The following PSME4 variants were observed in gnomAD, a reference collection of about 807,000 sequenced individuals.
PSME4 encodes the protein proteasome activator complex subunit 4.
Under a neutral mutation model 253.9 loss-of-function variants are expected in PSME4, and 89 were observed. The observed-to-expected ratio is 0.35, with a 90% CI of 0.30 to 0.42. The LOEUF is 0.42. Ranked by LOEUF, PSME4 falls within the 10% of genes least tolerant of loss-of-function variation. PSME4 has a pLI of 1.00. For synonymous variants in PSME4, 851 were observed against 759.2 expected, an observed-to-expected ratio of 1.12 and a Z score of -1.99; for missense variants, 2,014 against 2,195.2, an observed-to-expected ratio of 0.92 and a Z score of 1.65.
chr2:53,938,744 G>C (rs1669242755), intron 4 of PSME4, among the ~76,000 whole-genome samples: 1 of 152,046 alleles, frequency 6.6e-6, no homozygotes, highest in South Asian at 2.1e-4. Flanking sequence ...TCATATACTT[G>C]TGTTAATTAA....
At chr2:53,887,632 A>C (rs1679700900) in intron 39 of PSME4, among the ~76,000 whole-genome samples, 165 bp from the exon 40 acceptor site, 1 of 152,152 alleles carries the variant, frequency 6.6e-6, no homozygotes, top group South Asian at 2.1e-4. Flanking sequence ...AGGGGTATTA[A>C]CACTTAGGTG....
At chr2:53,893,625 TGA>T (rs1680012678) in intron 35 of PSME4, 47 bp downstream of exon 35, 1 of 1,589,958 alleles carries the variant, frequency 6.3e-7, no homozygotes, top group Non-Finnish European at 8.6e-7. Context: ...ACCTACGAAC[TGA>T]ATAGTTACTA....
rs770959257 is a variant in PSME4, at chr2:53,908,379, G to A, written c.2725C>T (p.His909Tyr). 8.1e-6 allele frequency: 13 copies of A among 1,613,034 alleles called. No homozygotes were observed. The African/African-American group carries it at 1.6e-4, about 20-fold the overall frequency. The change falls in exon 24 of 47, where the codon CAT (histidine) becomes TAT (tyrosine). Residue 909 changes from histidine to tyrosine, a missense_variant. His to Tyr is a moderately conservative substitution (Grantham distance 83). Coordinates refer to ENST00000404125, the MANE Select transcript of PSME4 (RefSeq NM_014614.3). ...DLLQFQGSHK[H>Y]EFDSRWKSFN... ...CTTTTCCATCGGGAGTCAAATTCAT[G>A]CTTGTGAGATCCTTGGAATTGTAAA...
At chr2:53,888,835 C>G in intron 37 of PSME4, 23 bp from the exon 38 acceptor site, 2 of 1,518,506 alleles carry the variant, frequency 1.3e-6, no homozygotes, top group Non-Finnish European at 1.8e-6. Context: ...TATGATGTAA[C>G]AGTTCAACAG....
At chr2:53,904,852 G>A (rs2104438420) in intron 26 of PSME4, among the ~76,000 whole-genome samples, 1 of 151,686 alleles carries the variant, frequency 6.6e-6, no homozygotes, top group East Asian at 2.0e-4. Context: ...GCCAGGCATG[G>A]TGGTGCGTGC....
In PSME4 at chr2:53,895,011, G is replaced by T. The variant is rs778443029; in HGVS notation, c.3908C>A (p.Thr1303Lys). The change falls in exon 34 of 47, where the codon ACA becomes AAA. Residue 1303 changes from threonine to lysine, a missense_variant. By Grantham distance (78) the Thr-to-Lys change is moderately conservative. Around this residue, in one of 4 missense-constraint regions of PSME4, gnomAD observed 989 missense variants for 1,021.1 expected, o/e 0.97. Coordinates refer to ENST00000404125, the MANE Select transcript of PSME4 (RefSeq NM_014614.3). ...PKLGRSREDMTEAEQIIFDHF... is the reference protein window; with the variant it reads ...PKLGRSREDMKEAEQIIFDHF... ...ATGGTGAAATGGAATGCTTACCTCT[G>T]TCATATCCTCCCTGCTTCTGCCAAG... 2 of 1,612,396 alleles carry T rather than the reference G, an allele frequency of 1.2e-6. No individual in the cohort carries two copies. The highest frequency in any genetic ancestry group is 1.7e-6 in the Non-Finnish European group (2 of 1,179,506).
intron 1 of PSME4, among the ~76,000 whole-genome samples, chr2:53,967,679 A>AAAAAAAAAAAAAG (rs1670808609): frequency 7.1e-6 from 1 of 139,944 alleles, no homozygotes; most frequent in African/African-American, 2.8e-5. Context: ...AAAAAAAAAA[A>AAAAAAAAAAAAAG]GTCAAAAAGA....
intron 43 of PSME4, among the ~76,000 whole-genome samples, chr2:53,871,549 C>T (rs917818662): frequency 1.3e-5 from 2 of 152,010 alleles, no homozygotes; most frequent in African/African-American, 4.8e-5. Flanking sequence ...CCACCACGCC[C>T]GGCTATCTGC....
rs778160896 is a variant in PSME4, at chr2:53,893,788, A to T, written c.3924T>A (p.Ile1308=). The T allele has an allele frequency of 3.7e-6, 6 of 1,607,890 alleles. No homozygotes were observed. In the South Asian group the frequency reaches 6.7e-5, roughly 18 times the overall value. Reference sequence around the variant, plus strand: ...TAGGATCAGAAAAATGATCAAATATAATCTGTTCTGCCTATAAAGTTAAAA... The same window carrying T: ...TAGGATCAGAAAAATGATCAAATATTATCTGTTCTGCCTATAAAGTTAAAA... The part of the protein sequence containing the change: ...SREDMTEAEQ[I]IFDHFSDPKF... Residue 1308 remains isoleucine, a synonymous_variant, in exon 35 of 47, where the codon ATT becomes ATA. Transcript: ENST00000404125.
At chr2:53,949,338 G>A in intron 1 of PSME4, 55 bp from the exon 2 acceptor site, 5 of 1,175,926 alleles carry the variant, frequency 4.3e-6, no homozygotes, top group Non-Finnish European at 5.9e-6. Flanking sequence ...ACACATCCAT[G>A]TTCAATGCAG....
At chr2:53,904,209 C>G (rs1680541546) in intron 26 of PSME4, 53 bp from the exon 27 acceptor site, 3 of 1,451,430 alleles carry the variant, frequency 2.1e-6, no homozygotes, top group African/African-American at 1.4e-5. Context: ...AAGTACAAAG[C>G]AGTTTAAAAC....
rs769107600 is a variant in PSME4, at chr2:53,892,966, A to G, written c.4039-6T>C. On this transcript the variant is annotated splice_region_variant and splice_polypyrimidine_tract_variant and intron_variant, in intron 35 of 46. Coordinates refer to ENST00000404125, the MANE Select transcript of PSME4 (RefSeq NM_014614.3). The stretch of plus-strand genomic sequence containing the variant: ...TCAAAATTCCTGAATATACCCTATA[A>G]AAACAAAGACTGTTCTTCAGTACTC... 1.2e-6 allele frequency: 2 copies of G among 1,608,230 alleles called. No individual in the cohort carries two copies. Among genetic ancestry groups the G allele is most frequent in the African/African-American group, 2.7e-5 (2 of 74,696 alleles).
At chr2:53,893,581 T>C (rs963871669) in intron 35 of PSME4, 93 bp downstream of exon 35, 3 of 1,554,666 alleles carry the variant, frequency 1.9e-6, no homozygotes, top group Non-Finnish European at 1.7e-6. Context: ...TCAAGGCAGA[T>C]GGCTAGCTTT....
At chr2:53,927,793 G>A (rs114986407) in intron 11 of PSME4, among the ~76,000 whole-genome samples, 249 of 151,866 alleles carry the variant, frequency 1.6e-3, no homozygotes, top group African/African-American at 5.9e-3. Context: ...CTAAAAATAC[G>A]AAACCCAGCC....
At chr2:53,918,669 C>T (rs898323155) in intron 20 of PSME4, among the ~76,000 whole-genome samples, 5 of 152,078 alleles carry the variant, frequency 3.3e-5, no homozygotes, top group Admixed American at 1.3e-4. Flanking sequence ...GAGCTAACAA[C>T]GGATTCAATT....
At chr2:53,952,554 C>G (rs1440976984) in intron 1 of PSME4, among the ~76,000 whole-genome samples, 2 of 152,048 alleles carry the variant, frequency 1.3e-5, no homozygotes, top group Non-Finnish European at 2.9e-5. Flanking sequence ...AACAAACAAA[C>G]AGAAAGATTC....
chr2:53,944,581 C>G (rs958572328), intron 3 of PSME4, among the ~76,000 whole-genome samples: 1 of 151,994 alleles, frequency 6.6e-6, no homozygotes, highest in African/African-American at 2.4e-5. Flanking sequence ...GGTTTACAAC[C>G]ATAAAATCTT....
intron 8 of PSME4, 52 bp from the exon 9 acceptor site, chr2:53,932,812 C>CA (rs768359673): frequency 7.2e-7 from 1 of 1,379,372 alleles, no homozygotes; most frequent in Non-Finnish European, 1.0e-6. Flanking sequence ...ACTGTAAAAA[C>CA]AGAGGTCAAC....
chr2:53,906,008 T>C (rs1220898360), intron 26 of PSME4, among the ~76,000 whole-genome samples: 1 of 152,202 alleles, frequency 6.6e-6, no homozygotes, highest in African/African-American at 2.4e-5. Flanking sequence ...AAGTTTTGGA[T>C]TCTGGAGTAT....
Sources: gnomAD v4.1 joint callset for allele counts (sites outside exome capture counted in the v4.1 genomes callset) on GRCh38, gnomAD v4.1.1 for gene constraint, gnomAD v4.1.1 regional missense constraint, MANE v1.5 for transcripts, NCBI Gene and HGNC (gene_info 2026-07-23, HGNC 2026-07-21) for gene names.